The following PTPRN2 variants were observed in gnomAD, a reference collection of about 807,000 sequenced individuals.
PTPRN2 encodes the protein protein tyrosine phosphatase receptor type N2.
PTPRN2 carries 74 observed loss-of-function variants against 118.8 expected under a neutral mutation model. That is an observed-to-expected ratio of 0.62 (90% CI 0.52 to 0.76). The LOEUF (loss-of-function observed/expected upper bound fraction) is 0.76, where lower values mean the gene tolerates loss of function less well. Ranked by LOEUF, PTPRN2 falls within the 30% of genes least tolerant of loss-of-function variation. The probability of loss-of-function intolerance (pLI) is 0.00; values close to 1 mark genes in which losing one functional copy is unlikely to be tolerated. For synonymous variants in PTPRN2, 641 were observed against 608.0 expected (o/e 1.05, Z -0.80); for missense variants, 1,481 against 1,394.4 (o/e 1.06, Z -0.99).
At chr7:157,747,990 T>C (rs113431299) in intron 12 of PTPRN2, among the ~76,000 whole-genome samples, 6,108 of 73,684 alleles carry the variant, frequency 0.083, 9 homozygotes, top group African/African-American at 0.24. Flanking sequence ...GGCCTGCGTC[T>C]CTGAGCTGTG....
intron 2 of PTPRN2, among the ~76,000 whole-genome samples, chr7:158,416,623 A>T (rs1446495007): frequency 6.6e-6 from 1 of 152,214 alleles, no homozygotes; most frequent in Non-Finnish European, 1.5e-5. Context: ...CAAAGATATA[A>T]GTGCACCAGA....
intron 2 of PTPRN2, among the ~76,000 whole-genome samples, chr7:158,344,344 C>T (rs1287718338): frequency 6.6e-6 from 1 of 152,166 alleles, no homozygotes; most frequent in Non-Finnish European, 1.5e-5. Context: ...TCATCAGGAG[C>T]TCCGTCCAGT....
chr7:158,269,070 T>C (rs1328223919), intron 3 of PTPRN2, among the ~76,000 whole-genome samples: 1 of 152,170 alleles, frequency 6.6e-6, no homozygotes, highest in Non-Finnish European at 1.5e-5. Context: ...TGCCCAACTT[T>C]GAACGGAGGA....
At chr7:157,998,993 A>T (rs1805006740) in intron 11 of PTPRN2, among the ~76,000 whole-genome samples, 2 of 151,930 alleles carry the variant, frequency 1.3e-5, no homozygotes, top group African/African-American at 4.8e-5. Flanking sequence ...CTGCAGCAAC[A>T]GTGACCCCTA....
intron 11 of PTPRN2, among the ~76,000 whole-genome samples, chr7:158,039,356 T>C (rs10452680): frequency 6.6e-6 from 1 of 151,928 alleles, no homozygotes; most frequent in Non-Finnish European, 1.5e-5. Flanking sequence ...AGAAGTCCTC[T>C]TGAGGTCACA....
chr7:158,013,718 G>C (rs62639091), intron 11 of PTPRN2, among the ~76,000 whole-genome samples: 5 of 106,682 alleles, frequency 4.7e-5, no homozygotes, highest in East Asian at 3.0e-4. Context: ...CATCCATCCA[G>C]CCAGCCACCC....
intron 11 of PTPRN2, among the ~76,000 whole-genome samples, chr7:157,955,725 C>T (rs1472701049): frequency 6.6e-6 from 1 of 152,156 alleles, no homozygotes; most frequent in Non-Finnish European, 1.5e-5. Flanking sequence ...CAGCTCAGCC[C>T]CGCAGGGTGC....
chr7:158,275,394 G>A (rs866071820), intron 3 of PTPRN2, among the ~76,000 whole-genome samples: 2 of 152,256 alleles, frequency 1.3e-5, no homozygotes, highest in South Asian at 2.1e-4. Context: ...TTTCTACATT[G>A]CCTAGAGTTC....
intron 12 of PTPRN2, among the ~76,000 whole-genome samples, chr7:157,758,666 T>C (rs2952649): frequency 0.68 from 104,047 of 152,056 alleles, 36,262 homozygotes; most frequent in African/African-American, 0.78. Context: ...CATCCCGCGG[T>C]GTCCTTGCTT....
At chr7:158,095,077 C>T (rs1814526801) in intron 10 of PTPRN2, among the ~76,000 whole-genome samples, 1 of 152,060 alleles carries the variant, frequency 6.6e-6, no homozygotes, top group African/African-American at 2.4e-5. Context: ...ATATTCCTCC[C>T]TGCCCTGGGT....
intron 9 of PTPRN2, among the ~76,000 whole-genome samples, chr7:158,120,312 C>T (rs1204414566): frequency 6.6e-6 from 1 of 152,136 alleles, no homozygotes; most frequent in Non-Finnish European, 1.5e-5. Context: ...GAATTCTATG[C>T]TTAAACATGG....
rs1433756018 is a variant in PTPRN2 at position 157,734,161 on chromosome 7, CTT to C, written c.1789-51226_1789-51225del. ...GTCCCAGGCGCCCAGCACAGTTACT[CTT>C]TTCCACCCCATGCACCCAGCACAGT... On this transcript the variant is annotated intron_variant, in intron 12 of 22. Transcript: ENST00000389418. 1.1e-3 allele frequency among the ~76,000 whole-genome samples: 160 copies of C among 139,452 alleles called. 17 individuals carry two copies. The highest frequency in any genetic ancestry group is 3.3e-3 in the African/African-American group (118 of 36,042). 91.5% of individuals were successfully genotyped at this position (139,452 alleles called of 152,430 possible).
rs79158478 is a variant in PTPRN2 at position 157,543,434 on chromosome 7, C to T, written c.2977-2649G>A. 1.3e-3 allele frequency among the ~76,000 whole-genome samples: 196 copies of T among 152,346 alleles called. 1 individual carries two copies. Among genetic ancestry groups the T allele is most frequent in the Non-Finnish European group, 2.0e-3 (138 of 68,040 alleles). On this transcript the variant is annotated intron_variant, in intron 22 of 22. Transcript: ENST00000389418. ...TGTCTGGTCACCACCCCTGGGTCCACGCTGGACAGCGAGTGGGAACGCCCC... is the reference window on the plus strand; with the variant it reads ...TGTCTGGTCACCACCCCTGGGTCCATGCTGGACAGCGAGTGGGAACGCCCC...
At position 158,525,775 on chromosome 7, in the gene PTPRN2, G is replaced by C. The variant is rs73729676; in HGVS notation, c.113-35990C>G. Among the ~76,000 whole-genome samples, 20 of 152,216 alleles carry C rather than the reference G, an allele frequency of 1.3e-4. No homozygotes were observed. The highest frequency in any genetic ancestry group is 2.4e-4 in the Non-Finnish European group (16 of 68,016). On this transcript the variant is annotated intron_variant, in intron 1 of 22. Transcript: ENST00000389418. This position sits in a 1 kb window ranked among gnomAD's most constrained non-coding sequence, Gnocchi z 4.1. ...ACATCTCTGCTGGTCTCTCTCCACGGCACCTGCTCCACAGCCACCTCTCTC... is the reference window on the plus strand; with the variant it reads ...ACATCTCTGCTGGTCTCTCTCCACGCCACCTGCTCCACAGCCACCTCTCTC...
chr7:158,261,667 C>T (rs1324879197), intron 3 of PTPRN2, among the ~76,000 whole-genome samples: 1 of 152,254 alleles, frequency 6.6e-6, no homozygotes, highest in South Asian at 2.1e-4. Context: ...TCCGGGACCG[C>T]AGGCTCCCCC....
At chr7:158,289,254 C>T (rs942811722) in intron 3 of PTPRN2, among the ~76,000 whole-genome samples, 1 of 152,122 alleles carries the variant, frequency 6.6e-6, no homozygotes, top group Non-Finnish European at 1.5e-5. Context: ...TTTAAATATG[C>T]TTTCAGTCCC....
intron 12 of PTPRN2, among the ~76,000 whole-genome samples, chr7:157,846,494 G>A (rs986687589): frequency 1.3e-5 from 2 of 151,466 alleles, no homozygotes; most frequent in African/African-American, 2.4e-5. Flanking sequence ...GCTGTGGGGC[G>A]TCCCCACAAT....
intron 2 of PTPRN2, among the ~76,000 whole-genome samples, chr7:158,399,393 T>C (rs1024026231): frequency 1.3e-5 from 2 of 152,206 alleles, no homozygotes; most frequent in Non-Finnish European, 2.9e-5. Context: ...AGTGCACACC[T>C]GTGATCTCAG....
chr7:158,322,414 C>G (rs753759205), intron 2 of PTPRN2, among the ~76,000 whole-genome samples: 2 of 151,632 alleles, frequency 1.3e-5, no homozygotes, highest in Non-Finnish European at 2.9e-5. Context: ...GAACAGCGGC[C>G]GACCTGAGGA....
Sources: gnomAD v4.1 joint callset for allele counts (sites outside exome capture counted in the v4.1 genomes callset) on GRCh38, gnomAD v4.1.1 for gene constraint, Gnocchi (gnomAD v3.1) non-coding constraint, MANE v1.5 for transcripts, NCBI Gene and HGNC (gene_info 2026-07-23, HGNC 2026-07-21) for gene names.